The following ZNF534 variants were observed in gnomAD, a reference collection of about 807,000 sequenced individuals.
The protein encoded by ZNF534 is zinc finger protein 534.
In ZNF534, 19 loss-of-function variants were observed where a neutral mutation model predicts 13.6. The observed-to-expected ratio is 1.40, with a 90% confidence interval of 0.97 to 2.05. The LOEUF is 2.05. Ranked by LOEUF, ZNF534 falls within the 30% of genes most tolerant of loss-of-function variation. The probability of loss-of-function intolerance (pLI) is 0.00; values close to 1 mark genes in which losing one functional copy is unlikely to be tolerated. For synonymous variants in ZNF534, 244 were observed against 273.8 expected, an observed-to-expected ratio of 0.89 and a Z score of 1.07; for missense variants, 782 against 796.3, an observed-to-expected ratio of 0.98 and a Z score of 0.22.
chr19:52,445,043 GTTAC>G, downstream of ZNF534, among the ~76,000 whole-genome samples: 1 of 152,140 alleles, frequency 6.6e-6, no homozygotes, highest in South Asian at 2.1e-4. Flanking sequence ...AGTTGGAATT[GTTAC>G]AAAGTTCAAC....
chr19:52,449,107 C>G (rs143761977), intron 4 of ZNF534, among the ~76,000 whole-genome samples: 9 of 152,266 alleles, frequency 5.9e-5, no homozygotes, highest in African/African-American at 2.2e-4. Context: ...AGATAATTGT[C>G]TTTTCTGTAC....
intron 4 of ZNF534, among the ~76,000 whole-genome samples, chr19:52,450,046 T>C (rs547560089): frequency 6.6e-6 from 1 of 152,308 alleles, no homozygotes; most frequent in African/African-American, 2.4e-5. Flanking sequence ...ATCGTGATGT[T>C]TGAGTTTCTT....
chr19:52,451,241 C>G lies in ZNF534; in HGVS notation c.326C>G (p.Ala109Gly), dbSNP rs750638163. The G allele has an allele frequency of 1.1e-5, 8 of 740,898 alleles. No individual in the cohort carries two copies. In the East Asian group the frequency reaches 2.2e-4, roughly 20 times the overall value. The allele number at this position is 740,898 out of a possible 1,614,324, so 45.9% of individuals were successfully genotyped here. The stretch of plus-strand genomic sequence containing the variant: ...GTCTTCAGGGTGGAAGCCTGGCGCG[C>G]GTCCGGAGGTGCTGAGGAGCCAACC... Residue 109 changes from alanine to glycine, a missense_variant, in exon 5 of 5, where the codon GCG (alanine) becomes GGG (glycine). Transcript: ENST00000301085.
chr19:52,441,804 C>T lies in ZNF534; in HGVS notation c.*2358C>T, dbSNP rs1260197009. 6.6e-6 allele frequency among the ~76,000 whole-genome samples: 1 copy of T among 152,118 alleles called. No homozygotes were observed. The highest frequency in any genetic ancestry group is 1.5e-5 in the Non-Finnish European group (1 of 68,024). ...AGAGAGAAACCTTACAAATACAAAT[C>T]ACCACATAATGGAGAGAAACCTTAC... On this transcript the variant is annotated 3_prime_UTR_variant, in exon 5 of 5. Coordinates refer to ENST00000433050, the MANE Select transcript of ZNF534 (RefSeq NM_001143938.3).
rs1201041851 is a variant in ZNF534 at position 52,438,247 on chromosome 19, A to T, written c.787A>T (p.Ile263Phe). 6.2e-7 allele frequency: 1 copy of T among 1,613,936 alleles called. No homozygotes were observed. The highest frequency in any genetic ancestry group is 1.3e-5 in the African/African-American group (1 of 74,930). ...TTCACACCTTGCACAACATCAGAAAATTCATACTGGACAGAAACCTTACAA... is the reference window on the plus strand; with the variant it reads ...TTCACACCTTGCACAACATCAGAAATTTCATACTGGACAGAAACCTTACAA... ...QNSHLAQHQK[I>F]HTGQKPYNNK... is the part of the protein sequence containing the mutation. The change falls in exon 5 of 5, where the codon ATT becomes TTT. Residue 263 changes from isoleucine (I) to phenylalanine (F), a missense_variant. Transcript: ENST00000433050.
chr19:52,430,920 G>A (rs995488685), intron 1 of ZNF534, among the ~76,000 whole-genome samples: 2 of 149,864 alleles, frequency 1.3e-5, no homozygotes, highest in African/African-American at 4.9e-5. Context: ...GTGCGATCTC[G>A]GCTCACTGCA....
Position 52,439,440 on chromosome 19 carries a change from G to GC in ZNF534, c.1982dup (p.Ter662LeufsTer4), listed in dbSNP as rs755934564. 7.1e-4 allele frequency: 1,068 copies of GC among 1,511,300 alleles called. No homozygotes were observed. Among genetic ancestry groups the GC allele is most frequent in the Non-Finnish European group, 8.7e-4 (982 of 1,128,122 alleles). 93.6% of individuals were successfully genotyped at this position (1,511,300 alleles called of 1,614,324 possible). ...ATTGCAGTATTCATACCAGAGAGAA[G>GC]CCTTAAAAATTTAGTGAAGCTGGCA... On this transcript the variant is annotated frameshift_variant, in exon 5 of 5. Transcript: ENST00000433050. LOFTEE classifies it high-confidence loss of function.
At chr19:52,442,941 A>G (rs2561008), downstream of ZNF534, among the ~76,000 whole-genome samples, 139,723 of 152,274 alleles carry the variant, frequency 0.92, 64,456 homozygotes, top group Non-Finnish European at 0.97. Flanking sequence ...CTTGACAAGG[A>G]TGCAGTACTT....
At chr19:52,434,246 A>AAAGT in intron 3 of ZNF534, 165 bp downstream of exon 3, 1 of 1,018,504 alleles carries the variant, frequency 9.8e-7, no homozygotes, top group Non-Finnish European at 1.4e-6. Context: ...CTGTAATCCC[A>AAAGT]GCACTTTGGG....
rs73588033 is a variant in ZNF534 at position 52,435,031 on chromosome 19, G to C, written c.143-50G>C. ...TGTCTCCTACCTAAATATAGGGCTT[G>C]GACTTTGGAGATGCCACAGCACACA... is the stretch of plus-strand genomic sequence containing the variant. On this transcript the variant is annotated intron_variant, in intron 3 of 4. Coordinates refer to ENST00000433050, the MANE Select transcript of ZNF534 (RefSeq NM_001143938.3). 1.2e-3 allele frequency: 1,936 copies of C among 1,587,006 alleles called. 19 individuals carry two copies. The African/African-American group carries it at 0.021, about 17-fold the overall frequency.
chr19:52,448,180 C>G (rs1330550040), intron 4 of ZNF534, among the ~76,000 whole-genome samples: 1 of 152,038 alleles, frequency 6.6e-6, no homozygotes, highest in Non-Finnish European at 1.5e-5. Flanking sequence ...CTTTGGAAGG[C>G]CGAGGTGGGC....
rs942525292 is a variant in ZNF534 at position 52,439,360 on chromosome 19, T to TA, written c.1901dup (p.Tyr634Ter). 5.8e-6 allele frequency: 9 copies of TA among 1,552,476 alleles called. No individual in the cohort carries two copies. The East Asian group carries it at 7.3e-5, about 13-fold the overall frequency. The change falls in exon 5 of 5, where the codon TAC becomes TAAC. Residue 634 changes from tyrosine to a stop codon, truncating the protein, a stop_gained and frameshift_variant. Coordinates refer to ENST00000433050, the MANE Select transcript of ZNF534 (RefSeq NM_001143938.3). LOFTEE classifies it low-confidence loss of function (END_TRUNC). ...GAATATTCATACTGGAGTGAAGCCT[T>TA]ACAGTTGTAATGAATGTGGCAAGGT... ...HRNIHTGVKP[Y>*]SCNECGKVFS...
chr19:52,434,206 G>A (rs2059112837), intron 3 of ZNF534, 125 bp downstream of exon 3: 2 of 1,447,054 alleles, frequency 1.4e-6, no homozygotes, highest in African/African-American at 2.8e-5. Flanking sequence ...ACTAAGAAAT[G>A]AAAAGCAGGC....
intron 4 of ZNF534, among the ~76,000 whole-genome samples, chr19:52,437,020 T>C (rs1415303514): frequency 6.6e-6 from 1 of 152,184 alleles, no homozygotes; most frequent in Non-Finnish European, 1.5e-5. Flanking sequence ...TTTTTTATAA[T>C]GCGCAGTGGG....
intron 2 of ZNF534, among the ~76,000 whole-genome samples, chr19:52,433,578 A>G (rs186038579): frequency 0.016 from 2,454 of 152,196 alleles, 38 homozygotes; most frequent in Non-Finnish European, 0.02. Flanking sequence ...GTGTTGGCCA[A>G]GATGGTCTTG....
chr19:52,436,346 C>G (rs541925670), intron 4 of ZNF534, among the ~76,000 whole-genome samples: 4 of 152,258 alleles, frequency 2.6e-5, no homozygotes, highest in African/African-American at 9.6e-5. Flanking sequence ...TATGTCAAGT[C>G]TCTTTTTTTG....
downstream of ZNF534, among the ~76,000 whole-genome samples, chr19:52,445,472 T>C (rs1413430271): frequency 6.6e-6 from 1 of 152,178 alleles, no homozygotes; most frequent in East Asian, 1.9e-4. Flanking sequence ...GCTGGGATTA[T>C]AGGTGTGAGC....
At chr19:52,442,545 C>G (rs1470136260), downstream of ZNF534, among the ~76,000 whole-genome samples, 1 of 152,258 alleles carries the variant, frequency 6.6e-6, no homozygotes, top group Non-Finnish European at 1.5e-5. Context: ...TGATTTTCCA[C>G]TCCACACTAT....
chr19:52,446,388 G>T (rs116454986), downstream of ZNF534, among the ~76,000 whole-genome samples: 2,825 of 152,194 alleles, frequency 0.019, 72 homozygotes, highest in African/African-American at 0.057. Flanking sequence ...TCTCCCTTCA[G>T]ATTTGTCCCC....
Sources: allele counts gnomAD v4.1 joint callset (sites outside exome capture counted in the v4.1 genomes callset), GRCh38; gene constraint gnomAD v4.1.1; transcripts MANE v1.5; gene names NCBI Gene and HGNC (gene_info 2026-07-23, HGNC 2026-07-21).